Variants in DUSP22 observed in about 807,000 individuals in gnomAD.
DUSP22 encodes the protein dual specificity protein phosphatase 22.
Under a neutral mutation model 24.5 loss-of-function variants are expected in DUSP22, and 24 were observed. The observed-to-expected ratio is 0.98, with a 90% CI of 0.71 to 1.38. The LOEUF is 1.38. Among genes scored for constraint, DUSP22 ranks in the 40% most tolerant of loss-of-function variants. The pLI, the probability that DUSP22 is intolerant of heterozygous loss-of-function variation, is 0.00. For synonymous variants in DUSP22, 160 were observed against 106.4 expected (o/e 1.50, Z -3.10); for missense variants, 330 against 269.2 (o/e 1.23, Z -1.58).
At chr6:306,836 AGTGT>A (rs1229038538) in intron 2 of DUSP22, among the ~76,000 whole-genome samples, 1 of 152,312 alleles carries the variant, frequency 6.6e-6, no homozygotes, top group Non-Finnish European at 1.5e-5. Flanking sequence ...GGAAGGGGCC[AGTGT>A]GTGTCCTCAC....
intron 2 of DUSP22, among the ~76,000 whole-genome samples, chr6:308,505 G>A (rs373051928): frequency 2.3e-3 from 344 of 152,264 alleles, no homozygotes; most frequent in African/African-American, 7.4e-3. Flanking sequence ...CGGTGCTAGC[G>A]TGCGGTGAGG....
At chr6:328,798 G>A (rs1271058290) in intron 3 of DUSP22, among the ~76,000 whole-genome samples, 1 of 152,304 alleles carries the variant, frequency 6.6e-6, no homozygotes, top group African/African-American at 2.4e-5. Flanking sequence ...ATTTATTTGG[G>A]ACTTTTGCTG....
chr6:348,303 T>A, intron 6 of DUSP22, 29 bp downstream of exon 6: 1 of 1,613,304 alleles, frequency 6.2e-7, no homozygotes, highest in Non-Finnish European at 8.5e-7. Context: ...ACATCAGAGA[T>A]GCAGGCAGGT....
chr6:294,475 C>A (rs1203468400), intron 1 of DUSP22, among the ~76,000 whole-genome samples: 1 of 152,256 alleles, frequency 6.6e-6, no homozygotes, highest in Non-Finnish European at 1.5e-5. Flanking sequence ...TAAAATGTTC[C>A]GGTAGCCACA....
At chr6:343,707 A>ATGTT (rs1554102528) in intron 4 of DUSP22, among the ~76,000 whole-genome samples, 2 of 152,200 alleles carry the variant, frequency 1.3e-5, no homozygotes, top group African/African-American at 2.4e-5. Flanking sequence ...TTGCATGTGG[A>ATGTT]TGCATGCACA....
chr6:332,290 TC>T (rs1337116226), intron 3 of DUSP22, among the ~76,000 whole-genome samples: 1 of 152,308 alleles, frequency 6.6e-6, no homozygotes, highest in Non-Finnish European at 1.5e-5. Flanking sequence ...GCCATTTTGT[TC>T]CTCTTCAGAG....
At chr6:340,121 G>C (rs975094589) in intron 4 of DUSP22, among the ~76,000 whole-genome samples, 5 of 152,302 alleles carry the variant, frequency 3.3e-5, no homozygotes, top group Non-Finnish European at 7.3e-5. Flanking sequence ...TGGTAGAGAG[G>C]CCCTTTGTTT....
intron 1 of DUSP22, among the ~76,000 whole-genome samples, chr6:296,817 A>T (rs952438980): frequency 6.6e-6 from 1 of 152,296 alleles, no homozygotes; most frequent in Non-Finnish European, 1.5e-5. Flanking sequence ...CTAGGGCAGG[A>T]TATGAGGACC....
intron 4 of DUSP22, among the ~76,000 whole-genome samples, chr6:338,365 A>G (rs112945293): frequency 6.6e-5 from 10 of 152,410 alleles, no homozygotes; most frequent in African/African-American, 2.4e-4. Flanking sequence ...GGCATAGTGT[A>G]CTTTTTAATG....
At chr6:303,697 A>G (rs1325425020) in intron 1 of DUSP22, among the ~76,000 whole-genome samples, 2 of 152,306 alleles carry the variant, frequency 1.3e-5, no homozygotes, top group African/African-American at 4.8e-5. Context: ...GCATACTTTA[A>G]CAAGTGGTAC....
chr6:320,353 C>A (rs1323841379), intron 3 of DUSP22: 1 of 152,820 alleles, frequency 6.5e-6, no homozygotes, highest in African/African-American at 2.4e-5. Context: ...CTTGAGCAGT[C>A]ACCTGGCACA....
At position 312,047 on chromosome 6, in the gene DUSP22, T is replaced by C. The variant is rs1285804409; in HGVS notation, c.138+85T>C. On this transcript the variant is annotated intron_variant, in intron 3 of 6. Transcript: ENST00000419235. ...ACGACGTTAATGAAGGCAACCAGGT[T>C]CTCTCCAATGCGAACGTACTCCTGT... The C allele has an allele frequency of 1.7e-5, 24 of 1,408,620 alleles. No individual in the cohort carries two copies. The Admixed American group carries it at 1.8e-4, about 11-fold the overall frequency. 87.3% of individuals were successfully genotyped at this position (1,408,620 alleles called of 1,614,324 possible). A position where few individuals can be genotyped will look rare whatever the true frequency, so the allele number is the denominator to read the frequency against.
chr6:315,368 C>G (rs1400008182), intron 3 of DUSP22, among the ~76,000 whole-genome samples: 1 of 152,296 alleles, frequency 6.6e-6, no homozygotes, highest in Non-Finnish European at 1.5e-5. Flanking sequence ...ATTGGGTGGA[C>G]AAAAACCTGG....
intron 3 of DUSP22, among the ~76,000 whole-genome samples, chr6:312,213 A>G (rs1481014240): frequency 6.6e-6 from 1 of 152,310 alleles, no homozygotes; most frequent in Non-Finnish European, 1.5e-5. Context: ...ATGCCTAGGA[A>G]TAAGCTGAGG....
At chr6:335,936 AT>A (rs1270278822) in intron 4 of DUSP22, among the ~76,000 whole-genome samples, 2 of 152,306 alleles carry the variant, frequency 1.3e-5, no homozygotes, top group Non-Finnish European at 2.9e-5. Context: ...CTCTGCACCT[AT>A]AGAGAGATTC....
intron 1 of DUSP22, among the ~76,000 whole-genome samples, chr6:293,928 A>C (rs964124936): frequency 3.3e-5 from 5 of 152,184 alleles, no homozygotes; most frequent in African/African-American, 1.2e-4. Context: ...TGCTTTTTAA[A>C]TTAAAACAGA....
At chr6:316,283 T>A (rs538323139) in intron 3 of DUSP22, among the ~76,000 whole-genome samples, 16 of 152,412 alleles carry the variant, frequency 1.0e-4, no homozygotes, top group African/African-American at 3.1e-4. Flanking sequence ...GACTACACTT[T>A]TGGTATCAAA....
chr6:318,185 A>G (rs1034807103), intron 3 of DUSP22, among the ~76,000 whole-genome samples: 1 of 152,302 alleles, frequency 6.6e-6, no homozygotes, highest in Non-Finnish European at 1.5e-5. Context: ...TTTCTGATTG[A>G]AATCTAGAGA....
intron 2 of DUSP22, among the ~76,000 whole-genome samples, chr6:311,010 C>G (rs1356854407): frequency 6.6e-6 from 1 of 152,428 alleles, no homozygotes; most frequent in East Asian, 1.9e-4. Context: ...AACACACTTT[C>G]AGGTTGCCTT....
Sources: allele counts gnomAD v4.1 joint callset (sites outside exome capture counted in the v4.1 genomes callset), GRCh38; gene constraint gnomAD v4.1.1; transcripts MANE v1.5; gene names NCBI Gene and HGNC (gene_info 2026-07-23, HGNC 2026-07-21).